MYL11: variants seen among roughly 807,000 people sequenced by gnomAD.
MYL11 encodes the protein myosin regulatory light chain 11.
the MYL11 span, among the ~76,000 whole-genome samples, chr16:30,375,464 CAAAAAAA>C: frequency 2.1e-4 from 16 of 74,560 alleles, no homozygotes; most frequent in African/African-American, 5.6e-4. Flanking sequence ...GACTCTGTCT[CAAAAAAA>C]AAAAAAAAAA....
chr16:30,374,714 G>C, the MYL11 span: 1 of 1,013,672 alleles, frequency 9.9e-7, no homozygotes, highest in Non-Finnish European at 1.4e-6. Flanking sequence ...GGTATCTGGG[G>C]TGGGCACCCG....
chr16:30,376,514 G>A, the MYL11 span: 6 of 1,613,950 alleles, frequency 3.7e-6, no homozygotes, highest in African/African-American at 8.0e-5. Context: ...CCATGTTCGG[G>A]GAGAAGCTCA....
the MYL11 span, chr16:30,377,806 T>TGTGGGCGGCCTTCCCCCCCGAC: frequency 1.2e-6 from 2 of 1,613,896 alleles, no homozygotes; most frequent in Non-Finnish European, 1.7e-6. Flanking sequence ...ATCAAGAACA[T>TGTGGGCGGCCTTCCCCCCCGAC]GTGGGCGGCC....
At chr16:30,376,792 C>A in the MYL11 span, 1 of 1,281,706 alleles carries the variant, frequency 7.8e-7, no homozygotes, top group Non-Finnish European at 1.1e-6. Flanking sequence ...CAAGGCTGGG[C>A]CCTGTGGCTC....
At chr16:30,375,767 G>C in the MYL11 span, 1 of 1,461,844 alleles carries the variant, frequency 6.8e-7, no homozygotes, top group Admixed American at 1.8e-5. Context: ...ATTGCCCCCA[G>C]AGAGGTGGAG....
the MYL11 span, chr16:30,376,735 C>T: frequency 6.3e-7 from 1 of 1,584,832 alleles, no homozygotes; most frequent in Non-Finnish European, 8.6e-7. Context: ...GACCCTTCCC[C>T]CACTCCACCA....
At chr16:30,371,132 G>T in the MYL11 span, 1 of 152,298 alleles carries the variant, frequency 6.6e-6, no homozygotes, top group Non-Finnish European at 1.5e-5. Context: ...CAGCCAATGG[G>T]AGCATCCAAA....
At chr16:30,374,773 A>G in the MYL11 span, 3 of 1,550,034 alleles carry the variant, frequency 1.9e-6, no homozygotes, top group Non-Finnish European at 1.8e-6. Context: ...GGGCAGGACT[A>G]TATAACCCCA....
chr16:30,372,016 G>T, the MYL11 span, among the ~76,000 whole-genome samples: 17 of 152,024 alleles, frequency 1.1e-4, no homozygotes, highest in Non-Finnish European at 1.9e-4. Context: ...GTCCTCTAAG[G>T]TCCCTCACTC....
At chr16:30,375,591 C>T in the MYL11 span, among the ~76,000 whole-genome samples, 1 of 152,136 alleles carries the variant, frequency 6.6e-6, no homozygotes, top group African/African-American at 2.4e-5. Flanking sequence ...AGGAAGCTTC[C>T]ACCCATTGTG....
chr16:30,373,020 T>C, the MYL11 span: 2 of 152,304 alleles, frequency 1.3e-5, no homozygotes, highest in Non-Finnish European at 2.9e-5. Flanking sequence ...AGCTCTGGTA[T>C]GTCAGTTTCT....
chr16:30,377,958 C>A, the MYL11 span: 1 of 1,502,774 alleles, frequency 6.7e-7, no homozygotes, highest in Non-Finnish European at 9.1e-7. Context: ...TCCACCCCGG[C>A]TCCCAATAAA....
chr16:30,376,098 G>A, the MYL11 span: 3 of 1,597,676 alleles, frequency 1.9e-6, no homozygotes, highest in African/African-American at 1.3e-5. Flanking sequence ...GGGATGCTGA[G>A]GCTGGGCCAT....
the MYL11 span, chr16:30,376,559 G>C: frequency 4.3e-6 from 7 of 1,613,632 alleles, no homozygotes; most frequent in Non-Finnish European, 8.5e-7. Context: ...CAAGGCCCCG[G>C]CTGCCTTTTC....
chr16:30,376,141 C>T, the MYL11 span: 2 of 1,613,576 alleles, frequency 1.2e-6, no homozygotes, highest in South Asian at 2.2e-5. Flanking sequence ...ACGGCCCTCC[C>T]CAGGCCTTCA....
the MYL11 span, chr16:30,374,880 C>A: frequency 6.2e-7 from 1 of 1,613,198 alleles, no homozygotes; most frequent in East Asian, 2.2e-5. Context: ...AATCCTCCAA[C>A]CCCTGCCCAG....
At chr16:30,376,434 G>C in the MYL11 span, 1 of 1,613,576 alleles carries the variant, frequency 6.2e-7, no homozygotes, top group Non-Finnish European at 8.5e-7. Context: ...CCGCCTCAAT[G>C]TGAAGAATGA....
chr16:30,374,792 G>T, the MYL11 span: 2 of 1,598,776 alleles, frequency 1.3e-6, no homozygotes, highest in Non-Finnish European at 1.7e-6. Flanking sequence ...CAGAGGGACT[G>T]CCCCATGCTG....
chr16:30,371,904 T>G, the MYL11 span, among the ~76,000 whole-genome samples: 79 of 152,224 alleles, frequency 5.2e-4, no homozygotes, highest in African/African-American at 1.8e-3. Flanking sequence ...AACGCCCTCT[T>G]CTTTCTCTGA....
Sources: allele counts gnomAD v4.1 joint callset (sites outside exome capture counted in the v4.1 genomes callset), GRCh38; gene constraint gnomAD v4.1.1; transcripts MANE v1.5; gene names NCBI Gene and HGNC (gene_info 2026-07-23, HGNC 2026-07-21).